The following MACROD2 variants were observed in gnomAD, a reference collection of about 807,000 sequenced individuals.
MACROD2 encodes ADP-ribose glycohydrolase MACROD2.
Under a neutral mutation model 70.4 loss-of-function variants are expected in MACROD2, and 36 were observed. The observed-to-expected ratio is 0.51, with a 90% CI of 0.39 to 0.68. The LOEUF is 0.68. MACROD2 is among the 30% of genes least tolerant of loss of function. MACROD2 has a pLI of 0.00. For missense variants in MACROD2, 496 were observed against 538.4 expected, an observed-to-expected ratio of 0.92 and a Z score of 0.78; for synonymous variants, 172 against 178.8, an observed-to-expected ratio of 0.96 and a Z score of 0.30.
At chr20:14,848,582 CATTT>C (rs1406781285) in intron 5 of MACROD2, among the ~76,000 whole-genome samples, 1 of 152,110 alleles carries the variant, frequency 6.6e-6, no homozygotes, top group Non-Finnish European at 1.5e-5. Flanking sequence ...AATCCACATT[CATTT>C]GACTCTAAGC....
At chr20:15,324,397 C>T (rs187272894) in intron 6 of MACROD2, among the ~76,000 whole-genome samples, 1 of 152,138 alleles carries the variant, frequency 6.6e-6, no homozygotes, top group Admixed American at 6.5e-5. Flanking sequence ...TATACAACAC[C>T]CCAATTCAGT....
rs181472575 is a variant in MACROD2, at chr20:15,936,293, G to T, written c.839-1183G>T. On this transcript the variant is annotated intron_variant, in intron 11 of 17. Coordinates refer to ENST00000684519, the MANE Select transcript of MACROD2 (RefSeq NM_001351661.2). ...GTATATATATACACACATATGTAAT[G>T]TGTGTGTGTATATATATAGTTTTTC... Among the ~76,000 whole-genome samples, 20 of 148,258 alleles carry T rather than the reference G, an allele frequency of 1.3e-4. No homozygotes were observed. The East Asian group carries it at 3.9e-3, about 29-fold the overall frequency.
At chr20:15,819,236 TACAA>T (rs1252704994) in intron 8 of MACROD2, among the ~76,000 whole-genome samples, 1 of 145,102 alleles carries the variant, frequency 6.9e-6, no homozygotes, top group Non-Finnish European at 1.5e-5. Context: ...TATTTATATA[TACAA>T]ACATATATAA....
intron 9 of MACROD2, among the ~76,000 whole-genome samples, chr20:15,880,153 G>A (rs2064734043): frequency 6.6e-6 from 1 of 152,022 alleles, no homozygotes; most frequent in Non-Finnish European, 1.5e-5. Context: ...TTGACCAAAT[G>A]TTTGAGCACT....
At chr20:15,684,343 A>G (rs892586013) in intron 8 of MACROD2, among the ~76,000 whole-genome samples, 4 of 152,204 alleles carry the variant, frequency 2.6e-5, no homozygotes, top group African/African-American at 7.2e-5. Context: ...ACATAGGTTG[A>G]ATCAGATAGT....
At chr20:14,238,048 G>A (rs1158466678) in intron 3 of MACROD2, among the ~76,000 whole-genome samples, 3 of 152,096 alleles carry the variant, frequency 2.0e-5, no homozygotes, top group Admixed American at 6.6e-5. Flanking sequence ...ATAATCCTTT[G>A]TGTATATACC....
At chr20:14,169,590 C>T (rs924353218) in intron 3 of MACROD2, among the ~76,000 whole-genome samples, 1 of 152,122 alleles carries the variant, frequency 6.6e-6, no homozygotes, top group Non-Finnish European at 1.5e-5. Context: ...AGGTGTGAGC[C>T]ACTGCACCTG....
chr20:14,526,784 A>G lies in MACROD2; in HGVS notation c.301+33276A>G, dbSNP rs182437639. 4.9e-4 allele frequency among the ~76,000 whole-genome samples: 75 copies of G among 152,268 alleles called. No homozygotes were observed. The Middle Eastern group carries it at 0.014, about 28-fold the overall frequency. On this transcript the variant is annotated intron_variant, in intron 4 of 17. Coordinates refer to ENST00000684519, the MANE Select transcript of MACROD2 (RefSeq NM_001351661.2). ...AAACTGACAGGCTGTGGGGCTCCAAACCCACGACAGTGTCTAGGGGTGAAC... is the reference window on the plus strand; with the variant it reads ...AAACTGACAGGCTGTGGGGCTCCAAGCCCACGACAGTGTCTAGGGGTGAAC...
At chr20:15,802,239 G>C (rs1054707450) in intron 8 of MACROD2, among the ~76,000 whole-genome samples, 4 of 152,096 alleles carry the variant, frequency 2.6e-5, no homozygotes, top group African/African-American at 9.7e-5. Context: ...ATACTATGTT[G>C]AATCAGAGTG....
At chr20:15,038,313 C>A (rs1042452477) in intron 5 of MACROD2, among the ~76,000 whole-genome samples, 5 of 152,080 alleles carry the variant, frequency 3.3e-5, no homozygotes, top group African/African-American at 1.2e-4. Flanking sequence ...TATTTCCAAC[C>A]ATTTCAAGAA....
At chr20:15,906,082 G>A (rs1279122980) in intron 10 of MACROD2, among the ~76,000 whole-genome samples, 2 of 152,344 alleles carry the variant, frequency 1.3e-5, no homozygotes, top group Middle Eastern at 3.4e-3. Flanking sequence ...TAGATATGGG[G>A]TTTGAGAGGA....
intron 3 of MACROD2, among the ~76,000 whole-genome samples, chr20:14,290,168 G>A (rs531191099): frequency 2.6e-5 from 4 of 152,252 alleles, no homozygotes; most frequent in African/African-American, 9.6e-5. Context: ...CAATGATTTG[G>A]AATGGTCATT....
intron 2 of MACROD2, among the ~76,000 whole-genome samples, chr20:14,062,731 A>G (rs1393711981): frequency 6.6e-6 from 1 of 152,206 alleles, no homozygotes; most frequent in Non-Finnish European, 1.5e-5. Flanking sequence ...GGTAGGATTT[A>G]GAGACTAGTT....
intron 3 of MACROD2, among the ~76,000 whole-genome samples, chr20:14,163,489 A>G (rs1165219236): frequency 6.6e-6 from 1 of 151,978 alleles, no homozygotes; most frequent in Non-Finnish European, 1.5e-5. Flanking sequence ...TGGATGTCTA[A>G]ATCTCTTGCT....
chr20:14,409,066 T>G (rs1057125968), intron 3 of MACROD2, among the ~76,000 whole-genome samples: 8 of 152,090 alleles, frequency 5.3e-5, no homozygotes, highest in Non-Finnish European at 1.2e-4. Flanking sequence ...AACCTGTTTT[T>G]GTCTCCTGTT....
chr20:14,561,761 C>T (rs758691830), intron 4 of MACROD2, among the ~76,000 whole-genome samples: 6 of 151,776 alleles, frequency 4.0e-5, no homozygotes, highest in Admixed American at 1.3e-4. Flanking sequence ...AAATCTGTCA[C>T]GTAATAGGAA....
At chr20:15,152,392 A>G (rs573483403) in intron 5 of MACROD2, among the ~76,000 whole-genome samples, 6 of 151,438 alleles carry the variant, frequency 4.0e-5, no homozygotes, top group Non-Finnish European at 7.4e-5. Context: ...GCCCTCCAGA[A>G]AAGCAGAGAA....
intron 3 of MACROD2, among the ~76,000 whole-genome samples, chr20:14,247,047 C>T (rs1205484547): frequency 2.0e-5 from 3 of 152,182 alleles, no homozygotes; most frequent in East Asian, 1.9e-4. Context: ...CTGTCTGCTG[C>T]TCCCAGTTTT....
chr20:15,931,236 T>C (rs1047114961), intron 10 of MACROD2, among the ~76,000 whole-genome samples: 5 of 152,172 alleles, frequency 3.3e-5, no homozygotes, highest in African/African-American at 1.2e-4. Flanking sequence ...CCAATGCTGT[T>C]TCCTTCATGG....
Sources: gnomAD v4.1 joint callset for allele counts (sites outside exome capture counted in the v4.1 genomes callset) on GRCh38, gnomAD v4.1.1 for gene constraint, MANE v1.5 for transcripts, NCBI Gene and HGNC (gene_info 2026-07-23, HGNC 2026-07-21) for gene names.